Variants in OGFR observed in about 807,000 individuals in gnomAD.
OGFR encodes opioid growth factor receptor.
In OGFR, 18 loss-of-function variants were observed where a neutral mutation model predicts 33.6. The ratio of observed to expected loss-of-function variants is 0.54; its 90% CI spans 0.37 to 0.80. The LOEUF (loss-of-function observed/expected upper bound fraction) is 0.80. Ranked by LOEUF, OGFR falls within the 30% of genes least tolerant of loss-of-function variation. The probability of loss-of-function intolerance (pLI) is 0.00; values close to 1 mark genes in which losing one functional copy is unlikely to be tolerated. For missense variants in OGFR, 877 were observed against 955.8 expected, an observed-to-expected ratio of 0.92 and a Z score of 1.09; for synonymous variants, 370 against 400.7, an observed-to-expected ratio of 0.92 and a Z score of 0.91.
In OGFR at chr20:62,813,741, C is replaced by A. The variant is rs1290209904; in HGVS notation, c.*92C>A. The A allele has an allele frequency of 5.5e-6, 8 of 1,458,548 alleles. No homozygotes were observed. The highest frequency in any genetic ancestry group is 7.6e-6 in the Non-Finnish European group (8 of 1,046,692). The allele number at this position is 1,458,548 out of a possible 1,614,324, so 90.4% of individuals were successfully genotyped here. Reference sequence around the variant, plus strand: ...TGCTGCGGGCTCCCCTCAGGCTCTGCTTCGTGACCCGTGACCCATGACCCA... The same window carrying A: ...TGCTGCGGGCTCCCCTCAGGCTCTGATTCGTGACCCGTGACCCATGACCCA... On this transcript the variant is annotated 3_prime_UTR_variant, in exon 7 of 7. Coordinates refer to ENST00000290291, the MANE Select transcript of OGFR (RefSeq NM_007346.4).
In OGFR at chr20:62,813,666, C is replaced by T. The variant is rs200464407; in HGVS notation, c.*17C>T. On this transcript the variant is annotated 3_prime_UTR_variant, in exon 7 of 7. Coordinates refer to ENST00000290291, the MANE Select transcript of OGFR (RefSeq NM_007346.4). ...AAGCCTTAAGGAAAGGAGTGCCCGT[C>T]GGCGTCTTGGTCCTCCTGTCCCTGC... 78 of 1,609,924 alleles carry T rather than the reference C, an allele frequency of 4.8e-5. 1 individual carries two copies. The highest frequency in any genetic ancestry group is 1.2e-4 in the African/African-American group (9 of 74,828).
rs201144213 is a variant in OGFR at position 62,813,411 on chromosome 20, C to T, written c.1796C>T (p.Ser599Leu). The T allele has an allele frequency of 6.2e-5, 95 of 1,542,204 alleles. 10 individuals carry two copies. In the African/African-American group the frequency reaches 1.2e-3, roughly 20 times the overall value. ...PTRDEPAESP[S>L]ETPGPRPAGP... ...AGGGATGAGCCAGCCGAGAGCCCATCGGAGACCCCAGGCCCCCGCCCGGCA... is the reference window on the plus strand; with the variant it reads ...AGGGATGAGCCAGCCGAGAGCCCATTGGAGACCCCAGGCCCCCGCCCGGCA... Residue 599 changes from serine to leucine, a missense_variant, in exon 7 of 7, where the codon TCG (serine) becomes TTG (leucine). Transcript: ENST00000290291.
intron 1 of OGFR, chr20:62,806,235 G>C (rs576158287): frequency 6.6e-6 from 1 of 152,276 alleles, no homozygotes; most frequent in Non-Finnish European, 1.5e-5. Context: ...CCACACCAGC[G>C]GCCCTGTTGA....
At chr20:62,808,506 G>A (rs1337165809) in intron 3 of OGFR, among the ~76,000 whole-genome samples, 181 bp downstream of exon 3, 1 of 152,198 alleles carries the variant, frequency 6.6e-6, no homozygotes, top group African/African-American at 2.4e-5. Context: ...GATCTCCGCA[G>A]TGGTGTTTGG....
chr20:62,812,548 G>A lies in OGFR; in HGVS notation c.933G>A (p.Glu311=), dbSNP rs771379274. The A allele has an allele frequency of 8.2e-6, 13 of 1,585,372 alleles. No homozygotes were observed. The highest frequency in any genetic ancestry group is 2.7e-5 in the African/African-American group (2 of 74,520). Residue 311 remains glutamate, a synonymous_variant, in exon 7 of 7, where the codon GAG becomes GAA. Transcript: ENST00000290291. ...PHPLEGSRKV[E]EEGSPGDPDH... ...CGCTCGAGGGCTCCAGGAAGGTGGA[G>A]GAGGAAGGAAGCCCCGGGGACCCCG...
In OGFR at chr20:62,813,188, A is replaced by G; in HGVS notation, c.1573A>G (p.Ser525Gly). 1 of 1,444,952 alleles carries G rather than the reference A, an allele frequency of 6.9e-7. No homozygotes were observed. The highest frequency in any genetic ancestry group is 9.5e-7 in the Non-Finnish European group (1 of 1,057,822). 89.5% of individuals were successfully genotyped at this position (1,444,952 alleles called of 1,614,324 possible). Residue 525 changes from serine (S) to glycine (G), a missense_variant, in exon 7 of 7, where the codon AGC becomes GGC. By Grantham distance (56) the Ser-to-Gly change is moderately conservative. Around this residue, in one of 3 missense-constraint regions of OGFR, gnomAD observed 760 missense variants for 736.0 expected, o/e 1.03. Coordinates refer to ENST00000290291, the MANE Select transcript of OGFR (RefSeq NM_007346.4). ...PGSPSETPGP[S>G]PAGPAGDEPA... ...GAGCCCATCGGAGACCCCAGGCCCCAGCCCAGCAGGACCTGCAGGGGACGA... is the reference window on the plus strand; with the variant it reads ...GAGCCCATCGGAGACCCCAGGCCCCGGCCCAGCAGGACCTGCAGGGGACGA...
At position 62,804,900 on chromosome 20, in the gene OGFR, A is replaced by AGGAGGATGC. The variant is rs1555818882; in HGVS notation, c.48_56dup (p.Ala20_Asp22dup). The AGGAGGATGC allele has an allele frequency of 1.3e-6, 2 of 1,494,780 alleles. No homozygotes were observed. The highest frequency in any genetic ancestry group is 1.8e-6 in the Non-Finnish European group (2 of 1,122,646). The allele number at this position is 1,494,780 out of a possible 1,614,324, so 92.6% of individuals were successfully genotyped here. On this transcript the variant is annotated inframe_insertion, in exon 1 of 7. Transcript: ENST00000290291. ...TGCGACTCCACCTGGGAGGAGGACGAGGAGGATGCGGAGGACGCGGAGGAC... is the reference window on the plus strand; with the variant it reads ...TGCGACTCCACCTGGGAGGAGGACGAGGAGGATGCGGAGGATGCGGAGGACGCGGAGGAC...
Position 62,812,476 on chromosome 20 carries a change from G to A in OGFR, c.861G>A (p.Gly287=), listed in dbSNP as rs958554709. 2.5e-6 allele frequency: 4 copies of A among 1,578,124 alleles called. No individual in the cohort carries two copies. Among genetic ancestry groups the A allele is most frequent in the Admixed American group, 3.6e-5 (2 of 54,898 alleles). The stretch of plus-strand genomic sequence containing the variant: ...GGCCCCGCTGCAAGTTCGTCTGGGG[G>A]CCCCAAGACAAGCTGCGGAGGTTCA... ...HFRPRCKFVW[G]PQDKLRRFKP... The change falls in exon 7 of 7, where the codon GGG becomes GGA. Residue 287 remains glycine (G), a synonymous_variant. Coordinates refer to ENST00000290291, the MANE Select transcript of OGFR (RefSeq NM_007346.4).
In OGFR at chr20:62,808,342, C is replaced by A. The variant is rs376901128; in HGVS notation, c.319+17C>A. ...TGCCCAACGGTAGGTGCCTCACAAC[C>A]ACTGGCAGCCGGCGCTTCCATCCTT... On this transcript the variant is annotated intron_variant, in intron 3 of 6. Transcript: ENST00000290291. 7 of 1,599,686 alleles carry A rather than the reference C, an allele frequency of 4.4e-6. No individual in the cohort carries two copies. Among genetic ancestry groups the A allele is most frequent in the African/African-American group, 2.7e-5 (2 of 74,648 alleles).
Position 62,812,597 on chromosome 20 carries a change from C to G in OGFR, c.982C>G (p.Arg328Gly), listed in dbSNP as rs200386552. The change falls in exon 7 of 7, where the codon CGG becomes GGG. Residue 328 changes from arginine (R) to glycine (G), a missense_variant. Physicochemically the swap from Arg to Gly is moderately radical, Grantham distance 125. This residue lies in a region of OGFR where 760 missense variants were observed against 736.0 expected (regional missense o/e 1.03). Coordinates refer to ENST00000290291, the MANE Select transcript of OGFR (RefSeq NM_007346.4). ...CGACCACGAGGCCAGCACCCAGGGT[C>G]GGACCTGTGGGCCAGAGCATAGCAA... ...DPDHEASTQGRTCGPEHSKGG... is the reference protein window; with the variant it reads ...DPDHEASTQGGTCGPEHSKGG... The G allele has an allele frequency of 6.4e-7, 1 of 1,567,380 alleles. No individual in the cohort carries two copies.
chr20:62,811,626 T>TGGCCG lies in OGFR; in HGVS notation c.614+16_614+17insGGCCG. Reference sequence around the variant, plus strand: ...ACCTGAACTGGTGAGGCCCGGCTGCTCCCGCCCACCCCCACCCCGGCGCAG... The same window carrying TGGCCG: ...ACCTGAACTGGTGAGGCCCGGCTGCTGGCCGCCCGCCCACCCCCACCCCGGCGCAG... On this transcript the variant is annotated intron_variant, in intron 6 of 6. Coordinates refer to ENST00000290291, the MANE Select transcript of OGFR (RefSeq NM_007346.4). 6 of 1,502,436 alleles carry TGGCCG rather than the reference T, an allele frequency of 4.0e-6. No homozygotes were observed. Among genetic ancestry groups the TGGCCG allele is most frequent in the Non-Finnish European group, 5.4e-6 (6 of 1,110,030 alleles). 93.1% of individuals were successfully genotyped at this position (1,502,436 alleles called of 1,614,324 possible). A position where few individuals can be genotyped will look rare whatever the true frequency, so the allele number is the denominator to read the frequency against.
chr20:62,813,869 C>T lies in OGFR; in HGVS notation c.*220C>T. The T allele has an allele frequency of 1.7e-6, 1 of 604,074 alleles. No homozygotes were observed. The highest frequency in any genetic ancestry group is 2.9e-6 in the Non-Finnish European group (1 of 342,360). The allele number at this position is 604,074 out of a possible 1,614,324, so 37.4% of individuals were successfully genotyped here. A position where few individuals can be genotyped will look rare whatever the true frequency, so the allele number is the denominator to read the frequency against. On this transcript the variant is annotated 3_prime_UTR_variant, in exon 7 of 7. Transcript: ENST00000290291. ...AAGCCTCCTGGCCTGGCTGTGTCTT[C>T]CCCACCCAGCTCTCCCCTGCGCCCC...
Position 62,811,626 on chromosome 20 carries a change from T to TGGGCG in OGFR, c.614+16_614+17insGGGCG. ...ACCTGAACTGGTGAGGCCCGGCTGC[T>TGGGCG]CCCGCCCACCCCCACCCCGGCGCAG... is the stretch of plus-strand genomic sequence containing the variant. On this transcript the variant is annotated intron_variant, in intron 6 of 6. Transcript: ENST00000290291. The TGGGCG allele has an allele frequency of 6.7e-7, 1 of 1,502,538 alleles. No individual in the cohort carries two copies. Among genetic ancestry groups the TGGGCG allele is most frequent in the Non-Finnish European group, 9.0e-7 (1 of 1,110,126 alleles). The allele number at this position is 1,502,538 out of a possible 1,614,324, so 93.1% of individuals were successfully genotyped here. A position where few individuals can be genotyped will look rare whatever the true frequency, so the allele number is the denominator to read the frequency against.
At chr20:62,810,465 CT>C in intron 4 of OGFR, 33 bp from the exon 5 acceptor site, 1 of 1,610,290 alleles carries the variant, frequency 6.2e-7, no homozygotes, top group Non-Finnish European at 8.5e-7. Flanking sequence ...AGCGGCTCTC[CT>C]AATCCCTTGC....
rs749357690 is a variant in OGFR at position 62,812,954 on chromosome 20, C to T, written c.1339C>T (p.Leu447=). The T allele has an allele frequency of 1.3e-5, 21 of 1,612,198 alleles. No individual in the cohort carries two copies. In the African/African-American group the frequency reaches 2.4e-4, roughly 18 times the overall value. Residue 447 remains leucine, a synonymous_variant, in exon 7 of 7, where the codon CTG becomes TTG. Coordinates refer to ENST00000290291, the MANE Select transcript of OGFR (RefSeq NM_007346.4). ...GGCAGTGCAGCCCTGCCGCCAACCC[C>T]TGGGAGCCAGGGTGGCCGACAAGGT... ...GEAVQPCRQP[L]GARVADKVRK...
At chr20:62,812,204 C>G (rs1158499899) in intron 6 of OGFR, 26 bp from the exon 7 acceptor site, 10 of 1,455,962 alleles carry the variant, frequency 6.9e-6, no homozygotes, top group Non-Finnish European at 9.1e-6. Context: ...CAGCCATTGA[C>G]CTCTCCTGAC....
chr20:62,813,767 C>G lies in OGFR; in HGVS notation c.*118C>G. 8.2e-7 allele frequency: 1 copy of G among 1,222,412 alleles called. No homozygotes were observed. Among genetic ancestry groups the G allele is most frequent in the East Asian group, 2.3e-5 (1 of 42,872 alleles). 75.7% of individuals were successfully genotyped at this position (1,222,412 alleles called of 1,614,324 possible). ...TTCGTGACCCGTGACCCATGACCCA[C>G]AGTGCTGGCCTCCTGTGGGGCCACT... is the stretch of plus-strand genomic sequence containing the variant. On this transcript the variant is annotated 3_prime_UTR_variant, in exon 7 of 7. Transcript: ENST00000290291.
chr20:62,811,626 T>TGGGGCCCCCCCCCCCCC lies in OGFR; in HGVS notation c.614+16_614+17insGGGGCCCCCCCCCCCCC. The TGGGGCCCCCCCCCCCCC allele has an allele frequency of 6.7e-7, 1 of 1,502,540 alleles. No individual in the cohort carries two copies. 93.1% of individuals were successfully genotyped at this position (1,502,540 alleles called of 1,614,324 possible). On this transcript the variant is annotated intron_variant, in intron 6 of 6. Transcript: ENST00000290291. ...ACCTGAACTGGTGAGGCCCGGCTGCTCCCGCCCACCCCCACCCCGGCGCAG... is the reference window on the plus strand; with the variant it reads ...ACCTGAACTGGTGAGGCCCGGCTGCTGGGGCCCCCCCCCCCCCCCCGCCCACCCCCACCCCGGCGCAG...
chr20:62,805,861 G>A (rs1331278869), intron 1 of OGFR: 1 of 152,372 alleles, frequency 6.6e-6, no homozygotes, highest in Non-Finnish European at 1.5e-5. Flanking sequence ...GTGACCCCTG[G>A]GTGGGCTCTT....
Sources: gnomAD v4.1 joint callset for allele counts (sites outside exome capture counted in the v4.1 genomes callset) on GRCh38, gnomAD v4.1.1 for gene constraint, gnomAD v4.1.1 regional missense constraint, MANE v1.5 for transcripts, NCBI Gene and HGNC (gene_info 2026-07-23, HGNC 2026-07-21) for gene names.